Variants in SCARA3 observed in about 807,000 individuals in gnomAD.
SCARA3 encodes cellular stress response gene protein.
A neutral mutation model predicts 47.0 loss-of-function variants in SCARA3; 39 were observed. The ratio of observed to expected loss-of-function variants is 0.83; its 90% CI spans 0.64 to 1.08. The LOEUF is 1.08. Among genes scored for constraint, SCARA3 ranks in the 50% least tolerant of loss-of-function variants. The pLI is 0.00. For synonymous variants in SCARA3, 356 were observed against 334.1 expected, an observed-to-expected ratio of 1.07 and a Z score of -0.71; for missense variants, 724 against 792.3, an observed-to-expected ratio of 0.91 and a Z score of 1.04.
At chr8:27,711,909 C>G in the SCARA3 span, among the ~76,000 whole-genome samples, 1 of 152,270 alleles carries the variant, frequency 6.6e-6, no homozygotes, top group South Asian at 2.1e-4. Context: ...AATACTGACA[C>G]ACATTATTAC....
rs1041982332 is a variant in SCARA3 at position 27,668,517 on chromosome 8, G to C, written c.1370-2383G>C. Among the ~76,000 whole-genome samples the C allele has an allele frequency of 6.4e-5, 9 of 140,564 alleles. 1 individual carries two copies. The highest frequency in any genetic ancestry group is 1.2e-4 in the Non-Finnish European group (8 of 64,658). 92.2% of individuals were successfully genotyped at this position (140,564 alleles called of 152,430 possible). A position where few individuals can be genotyped will look rare whatever the true frequency, so the allele number is the denominator to read the frequency against. ...ATTGCGCCACTGCAGTCCGCAGTCC[G>C]GCCTGGGCGACAGAGCGAGACTCCG... On this transcript the variant is annotated intron_variant, in intron 5 of 5. Transcript: ENST00000301904.
At chr8:27,640,341 AT>A (rs754294135) in intron 1 of SCARA3, among the ~76,000 whole-genome samples, 2 of 152,116 alleles carry the variant, frequency 1.3e-5, no homozygotes, top group East Asian at 3.9e-4. Flanking sequence ...GTTTGCACAG[AT>A]TTTTTTCATG....
chr8:27,723,686 A>C, the SCARA3 span, among the ~76,000 whole-genome samples: 1 of 152,144 alleles, frequency 6.6e-6, no homozygotes, highest in Non-Finnish European at 1.5e-5. Flanking sequence ...GTTATTTGTG[A>C]ACTTTGAGCA....
chr8:27,649,998 GT>G (rs1163312446), intron 2 of SCARA3, among the ~76,000 whole-genome samples, 198 bp downstream of exon 2: 7 of 151,196 alleles, frequency 4.6e-5, no homozygotes, highest in Non-Finnish European at 1.0e-4. Context: ...GGAGTTTAAT[GT>G]TTTTTTTTCT....
chr8:27,700,719 G>A, the SCARA3 span, among the ~76,000 whole-genome samples: 1 of 152,092 alleles, frequency 6.6e-6, no homozygotes, highest in African/African-American at 2.4e-5. Context: ...TAATCATCAG[G>A]GAAATGCAAA....
chr8:27,712,145 C>T, the SCARA3 span, among the ~76,000 whole-genome samples: 18 of 152,322 alleles, frequency 1.2e-4, no homozygotes, highest in East Asian at 2.5e-3. Context: ...ATCCTAATCC[C>T]TGGAAACCAG....
chr8:27,719,118 A>T, the SCARA3 span, among the ~76,000 whole-genome samples: 39 of 152,296 alleles, frequency 2.6e-4, no homozygotes, highest in Admixed American at 1.8e-3. Flanking sequence ...GCTTGGTCCT[A>T]TTCACACAAG....
chr8:27,641,990 A>G (rs1197481374), intron 1 of SCARA3, among the ~76,000 whole-genome samples: 1 of 152,202 alleles, frequency 6.6e-6, no homozygotes, highest in Non-Finnish European at 1.5e-5. Context: ...GATCTGCAGG[A>G]AGTTCCATGA....
intron 1 of SCARA3, among the ~76,000 whole-genome samples, chr8:27,639,437 G>C (rs147082121): frequency 1.3e-5 from 2 of 152,298 alleles, no homozygotes; most frequent in Non-Finnish European, 2.9e-5. Context: ...GAAGGGTGGG[G>C]AGGAGTTGGA....
rs1315886715 is a variant in SCARA3 at position 27,651,589 on chromosome 8, C to T, written c.188C>T (p.Ala63Val). 6.2e-7 allele frequency: 1 copy of T among 1,614,014 alleles called. No homozygotes were observed. The highest frequency in any genetic ancestry group is 8.5e-7 in the Non-Finnish European group (1 of 1,180,032). The change falls in exon 3 of 6, where the codon GCC becomes GTC. Residue 63 changes from alanine (A) to valine (V), a missense_variant. Coordinates refer to ENST00000301904, the MANE Select transcript of SCARA3 (RefSeq NM_016240.3). ...TSVRILYLFLALLLVAVAVLA... is the reference protein window; with the variant it reads ...TSVRILYLFLVLLLVAVAVLA... Reference sequence around the variant, plus strand: ...GTGCGGATTCTTTACCTCTTCCTGGCCCTGCTCCTGGTGGCCGTGGCTGTG... The same window carrying T: ...GTGCGGATTCTTTACCTCTTCCTGGTCCTGCTCCTGGTGGCCGTGGCTGTG...
At chr8:27,664,358 C>T (rs188503763) in intron 5 of SCARA3, among the ~76,000 whole-genome samples, 53 of 152,308 alleles carry the variant, frequency 3.5e-4, no homozygotes, top group Admixed American at 1.3e-3. Flanking sequence ...TTCAGCCTCA[C>T]GACAACCCTT....
the SCARA3 span, among the ~76,000 whole-genome samples, chr8:27,714,395 A>T: frequency 6.6e-6 from 1 of 151,870 alleles, no homozygotes; most frequent in Non-Finnish European, 1.5e-5. Flanking sequence ...GGATTTCACC[A>T]TCTTGGGCAG....
At chr8:27,651,767 T>A in intron 3 of SCARA3, 140 bp downstream of exon 3, 1 of 1,206,786 alleles carries the variant, frequency 8.3e-7, no homozygotes, top group Non-Finnish European at 1.1e-6. Flanking sequence ...CTAGGGGATC[T>A]CTATGCCTAA....
chr8:27,731,871 A>G, the SCARA3 span, among the ~76,000 whole-genome samples: 1 of 151,890 alleles, frequency 6.6e-6, no homozygotes, highest in South Asian at 2.1e-4. Context: ...TGGCAAGGCT[A>G]GGCTGGTTCC....
chr8:27,733,086 C>A, the SCARA3 span, among the ~76,000 whole-genome samples: 2 of 152,154 alleles, frequency 1.3e-5, no homozygotes, highest in African/African-American at 4.8e-5. Context: ...AATATTGTGG[C>A]CTTTCAGCTC....
chr8:27,653,106 G>A (rs962628004), intron 3 of SCARA3, among the ~76,000 whole-genome samples: 2 of 152,214 alleles, frequency 1.3e-5, no homozygotes, highest in Non-Finnish European at 1.5e-5. Context: ...CAGAGAACTT[G>A]TCAAGATTTC....
chr8:27,691,741 C>T, the SCARA3 span, among the ~76,000 whole-genome samples: 13 of 152,106 alleles, frequency 8.5e-5, no homozygotes, highest in Non-Finnish European at 1.6e-4. Flanking sequence ...TCCCTCTCTG[C>T]ACTTCTTCAT....
chr8:27,639,772 G>A (rs1435910552), intron 1 of SCARA3, among the ~76,000 whole-genome samples: 2 of 152,176 alleles, frequency 1.3e-5, no homozygotes, highest in Non-Finnish European at 2.9e-5. Context: ...GAGCAGTCCA[G>A]GACACAGGCA....
chr8:27,652,842 C>A (rs950335727), intron 3 of SCARA3, among the ~76,000 whole-genome samples: 11 of 152,176 alleles, frequency 7.2e-5, no homozygotes, highest in African/African-American at 2.2e-4. Context: ...AGAGTACCCC[C>A]TCCACTCACT....
Sources: allele counts gnomAD v4.1 joint callset (sites outside exome capture counted in the v4.1 genomes callset), GRCh38; gene constraint gnomAD v4.1.1; transcripts MANE v1.5; gene names NCBI Gene and HGNC (gene_info 2026-07-23, HGNC 2026-07-21).